PDE3A: variants seen among roughly 807,000 people sequenced by gnomAD.
The protein encoded by PDE3A is phosphodiesterase 3A.
Under a neutral mutation model 98.3 loss-of-function variants are expected in PDE3A, and 43 were observed. The ratio of observed to expected loss-of-function variants is 0.44; its 90% CI spans 0.34 to 0.56. PDE3A has a LOEUF of 0.56. Among genes scored for constraint, PDE3A ranks in the 20% least tolerant of loss-of-function variants. The pLI, the probability that PDE3A is intolerant of heterozygous loss-of-function variation, is 0.01. For missense variants in PDE3A, 1,427 were observed against 1,440.7 expected (o/e 0.99, Z 0.15); for synonymous variants, 663 against 567.9 (o/e 1.17, Z -2.38).
chr12:20,537,815 T>C (rs1941785286), intron 1 of PDE3A, among the ~76,000 whole-genome samples: 1 of 151,636 alleles, frequency 6.6e-6, no homozygotes. Context: ...TGAACTAGTT[T>C]TACCTGGCTT....
chr12:20,518,928 T>A (rs1946372206), intron 1 of PDE3A, among the ~76,000 whole-genome samples: 1 of 152,190 alleles, frequency 6.6e-6, no homozygotes, highest in Non-Finnish European at 1.5e-5. Context: ...ACTGAGGAAT[T>A]GAATTTTTTA....
In PDE3A at chr12:20,527,064, G is replaced by A. The variant is rs540350368; in HGVS notation, c.961-29596G>A. Among the ~76,000 whole-genome samples the A allele has an allele frequency of 1.2e-3, 185 of 151,932 alleles. 1 individual carries two copies. Among genetic ancestry groups the A allele is most frequent in the African/African-American group, 4.3e-3 (177 of 41,434 alleles). ...CTCCCGAGTAGCTAGGATTACAGGC[G>A]CCTGCTGCCATGCCCGGCTGATTTT... On this transcript the variant is annotated intron_variant, in intron 1 of 15. Coordinates refer to ENST00000359062, the MANE Select transcript of PDE3A (RefSeq NM_000921.5).
intron 1 of PDE3A, among the ~76,000 whole-genome samples, chr12:20,503,865 AATTT>A (rs982390923): frequency 6.6e-6 from 1 of 152,132 alleles, no homozygotes; most frequent in Admixed American, 6.6e-5. Context: ...CAGAATCTGT[AATTT>A]ACTGTTACAA....
rs898703394 is a variant in PDE3A, at chr12:20,382,437, A to G, written c.960+12193A>G. On this transcript the variant is annotated intron_variant, in intron 1 of 15. Transcript: ENST00000359062. Reference sequence around the variant, plus strand: ...TTCATAAATGTTTCACTTTGATTTCATTTCTTTGAAGTTCAAAAAAACTTC... The same window carrying G: ...TTCATAAATGTTTCACTTTGATTTCGTTTCTTTGAAGTTCAAAAAAACTTC... 5.3e-5 allele frequency among the ~76,000 whole-genome samples: 8 copies of G among 152,022 alleles called. No individual in the cohort carries two copies. In the East Asian group the frequency reaches 1.6e-3, roughly 29 times the overall value.
chr12:20,542,881 GA>G (rs1020918679), intron 1 of PDE3A, among the ~76,000 whole-genome samples: 4 of 151,990 alleles, frequency 2.6e-5, no homozygotes, highest in African/African-American at 9.7e-5. Flanking sequence ...TGGTATGAAT[GA>G]AACCTAAATA....
At chr12:20,581,643 C>G (rs1240508081) in intron 2 of PDE3A, among the ~76,000 whole-genome samples, 2 of 140,176 alleles carry the variant, frequency 1.4e-5, no homozygotes, top group Non-Finnish European at 3.1e-5. Flanking sequence ...GACGGAGTCT[C>G]GCTCTGTCGC....
At chr12:20,609,535 G>A (rs1436504132) in intron 2 of PDE3A, among the ~76,000 whole-genome samples, 1 of 151,908 alleles carries the variant, frequency 6.6e-6, no homozygotes, top group Non-Finnish European at 1.5e-5. Context: ...TGTCTTCACA[G>A]AAATAGAAAA....
At chr12:20,661,654 C>T (rs978656892) in intron 15 of PDE3A, among the ~76,000 whole-genome samples, 17 of 152,272 alleles carry the variant, frequency 1.1e-4, no homozygotes, top group African/African-American at 2.6e-4. Flanking sequence ...AGAGGGTGGA[C>T]GCCTCAAGCC....
At chr12:20,417,147 T>G (rs1944434081) in intron 1 of PDE3A, among the ~76,000 whole-genome samples, 1 of 152,166 alleles carries the variant, frequency 6.6e-6, no homozygotes, top group Non-Finnish European at 1.5e-5. Context: ...TAATTTAACC[T>G]TATCCCTGTA....
At chr12:20,412,182 G>A (rs1476150527) in intron 1 of PDE3A, among the ~76,000 whole-genome samples, 1 of 152,104 alleles carries the variant, frequency 6.6e-6, no homozygotes, top group African/African-American at 2.4e-5. Context: ...TCAGTTTCTT[G>A]AAAATTTATA....
intron 1 of PDE3A, among the ~76,000 whole-genome samples, chr12:20,446,389 G>C (rs1002576282): frequency 6.6e-6 from 1 of 152,126 alleles, no homozygotes; most frequent in Non-Finnish European, 1.5e-5. Flanking sequence ...TTATTTTTCT[G>C]CTTTCCTCGA....
chr12:20,533,038 A>G (rs902737702), intron 1 of PDE3A, among the ~76,000 whole-genome samples: 2 of 152,212 alleles, frequency 1.3e-5, no homozygotes, highest in Non-Finnish European at 2.9e-5. Flanking sequence ...GTCCCATGCT[A>G]TATTGAGATA....
intron 1 of PDE3A, among the ~76,000 whole-genome samples, chr12:20,521,443 G>C (rs1288199483): frequency 6.6e-6 from 1 of 152,132 alleles, no homozygotes; most frequent in African/African-American, 2.4e-5. Context: ...TGAATACTCA[G>C]TTGTGAATTA....
chr12:20,590,394 A>G (rs1943308449), intron 2 of PDE3A, among the ~76,000 whole-genome samples: 1 of 148,216 alleles, frequency 6.7e-6, no homozygotes, highest in East Asian at 2.0e-4. Flanking sequence ...CAAGTTCCAG[A>G]CCTGAGTGAG....
In PDE3A at chr12:20,648,690, G is replaced by C. The variant is rs79204780; in HGVS notation, c.2568G>C (p.Ala856=). The C allele has an allele frequency of 7.6e-4, 1,217 of 1,596,336 alleles. 11 individuals carry two copies. The African/African-American group carries it at 0.015, about 19-fold the overall frequency. The change falls in exon 13 of 16, where the codon GCG becomes GCC. Residue 856 remains alanine (A), a splice_region_variant and synonymous_variant. Transcript: ENST00000359062. ...TCTTAACTGTCTTATTTGCCTAGGC[G>C]GTGCTATATAACGATCGTTCAGTTT... is the stretch of plus-strand genomic sequence containing the variant. ...AFLVATSAPQ[A]VLYNDRSVLE... is the part of the protein sequence containing the mutation.
At chr12:20,580,723 G>C (rs1943041931) in intron 2 of PDE3A, among the ~76,000 whole-genome samples, 2 of 152,098 alleles carry the variant, frequency 1.3e-5, no homozygotes, top group Admixed American at 6.5e-5. Flanking sequence ...GTGACATCAA[G>C]AGCAATAATG....
chr12:20,673,915 A>C (rs894935315), intron 15 of PDE3A, among the ~76,000 whole-genome samples: 20 of 152,148 alleles, frequency 1.3e-4, no homozygotes, highest in Non-Finnish European at 2.5e-4. Flanking sequence ...TTGCTTGGGT[A>C]GAATGGTCAT....
intron 2 of PDE3A, among the ~76,000 whole-genome samples, chr12:20,584,182 T>C (rs1943137592): frequency 6.6e-6 from 1 of 152,200 alleles, no homozygotes; most frequent in Admixed American, 6.5e-5. Context: ...AGAAATTCAT[T>C]TTGTGAGGTA....
intron 1 of PDE3A, among the ~76,000 whole-genome samples, chr12:20,530,326 A>G (rs958316648): frequency 7.2e-5 from 11 of 152,208 alleles, no homozygotes; most frequent in Admixed American, 5.9e-4. Flanking sequence ...AAACTTGAAC[A>G]TATTACTACA....
Sources: gnomAD v4.1 joint callset for allele counts (sites outside exome capture counted in the v4.1 genomes callset) on GRCh38, gnomAD v4.1.1 for gene constraint, MANE v1.5 for transcripts, NCBI Gene and HGNC (gene_info 2026-07-23, HGNC 2026-07-21) for gene names.